Variants in SUN1 observed in about 807,000 individuals in gnomAD.
SUN1 encodes SUN domain-containing protein 1.
Under a neutral mutation model 103.2 loss-of-function variants are expected in SUN1, and 61 were observed. The observed-to-expected ratio is 0.59, with a 90% CI of 0.48 to 0.73. SUN1 has a LOEUF of 0.73. Ranked by LOEUF, SUN1 falls within the 30% of genes least tolerant of loss-of-function variation. The pLI is 0.00. For synonymous variants in SUN1, 490 were observed against 425.7 expected (o/e 1.15, Z -1.86); for missense variants, 1,052 against 1,034.6 (o/e 1.02, Z -0.23).
chr7:840,405 ACTGCCACGCCGCGCT>A (rs747614189), intron 2 of SUN1, among the ~76,000 whole-genome samples: 3 of 152,184 alleles, frequency 2.0e-5, no homozygotes, highest in African/African-American at 7.2e-5. Context: ...CTGCAGCTGT[ACTGCCACGCCGCGCT>A]CTGCCGCGCC....
intron 12 of SUN1, 50 bp from the exon 13 acceptor site, chr7:857,778 G>C (rs373560262): frequency 6.7e-7 from 1 of 1,501,912 alleles, no homozygotes; most frequent in South Asian, 1.3e-5. Context: ...TGTGGGAAGC[G>C]TATAGGCTGG....
In SUN1 at chr7:848,714, C is replaced by T. The variant is rs532462224; in HGVS notation, c.659-2670C>T. 433 of 768,140 alleles carry T rather than the reference C, an allele frequency of 5.6e-4. 2 individuals are homozygous for T. In the Middle Eastern group the frequency reaches 9.5e-3, roughly 17 times the overall value. The allele number at this position is 768,140 out of a possible 1,614,324, so 47.6% of individuals were successfully genotyped here. A position where few individuals can be genotyped will look rare whatever the true frequency, so the allele number is the denominator to read the frequency against. On this transcript the variant is annotated intron_variant, in intron 5 of 18. Transcript: ENST00000401592. The stretch of plus-strand genomic sequence containing the variant: ...CGCCAGGCGCCTCCCTCGCTGCCTC[C>T]TCCTGTGGTCTTGGTGCTGGCTCTC...
upstream of SUN1, among the ~76,000 whole-genome samples, chr7:829,507 C>G (rs1431252854): frequency 6.7e-6 from 1 of 150,368 alleles, no homozygotes; most frequent in Non-Finnish European, 1.5e-5. Flanking sequence ...GTGAACAAAT[C>G]TTTTGTCTCA....
intron 10 of SUN1, among the ~76,000 whole-genome samples, chr7:854,276 G>A (rs1407612272): frequency 6.6e-6 from 1 of 152,266 alleles, no homozygotes; most frequent in Non-Finnish European, 1.5e-5. Context: ...GGAACGCAGA[G>A]CAGGGCTTCC....
chr7:857,094 A>G (rs1413633757), intron 12 of SUN1, among the ~76,000 whole-genome samples: 3 of 152,104 alleles, frequency 2.0e-5, no homozygotes, highest in East Asian at 1.9e-4. Flanking sequence ...TGTTCCCAAC[A>G]TGGCAGCTTT....
chr7:870,472 G>T (rs1425547679), intron 17 of SUN1, among the ~76,000 whole-genome samples: 2 of 151,934 alleles, frequency 1.3e-5, no homozygotes, highest in East Asian at 3.9e-4. Flanking sequence ...TGTCATCCCA[G>T]CTATTCGGGA....
chr7:861,856 G>A (rs1462564338), intron 15 of SUN1, among the ~76,000 whole-genome samples: 3 of 152,250 alleles, frequency 2.0e-5, no homozygotes, highest in African/African-American at 7.2e-5. Flanking sequence ...AGCAGAAGCA[G>A]GCTAAGCAGA....
In SUN1 at chr7:817,490, C is replaced by T. The variant is rs540345733; in HGVS notation, c.-74+817C>T. On this transcript the variant is annotated intron_variant, in intron 1 of 17. Coordinates refer to the SUN1 transcript ENST00000389574. Reference sequence around the variant, plus strand: ...GATTTCTCCCGGCTCCCCAGGGCTCCCCAGGACAGGTGGGCGGTGCGGTCC... The same window carrying T: ...GATTTCTCCCGGCTCCCCAGGGCTCTCCAGGACAGGTGGGCGGTGCGGTCC... 15 of 1,535,992 alleles carry T rather than the reference C, an allele frequency of 9.8e-6. No homozygotes were observed. The South Asian group carries it at 1.1e-4, about 11-fold the overall frequency.
upstream of SUN1, among the ~76,000 whole-genome samples, chr7:828,234 ATATG>A (rs1316825362): frequency 7.2e-6 from 1 of 139,798 alleles, no homozygotes; most frequent in African/African-American, 2.7e-5. Context: ...GCTAGGATAT[ATATG>A]TATGTTTTTG....
chr7:824,872 G>T, intron 1 of SUN1, among the ~76,000 whole-genome samples: 1 of 152,084 alleles, frequency 6.6e-6, no homozygotes, highest in East Asian at 1.9e-4. Flanking sequence ...GGGTGGGGGC[G>T]TCCGCTGGCT....
chr7:838,919 G>A lies in SUN1; in HGVS notation c.199G>A (p.Asp67Asn), dbSNP rs761950069. The part of the protein sequence containing the change: ...RLATTACTLG[D>N]GEAVGADSGT... ...GGCCACGACAGCATGCACCCTGGGG[G>A]ATGGTGAGGCTGTGGGTGCCGACAG... The change falls in exon 2 of 19, where the codon GAT becomes AAT. Residue 67 changes from aspartate (D) to asparagine (N), a missense_variant. Coordinates refer to ENST00000401592, the MANE Select transcript of SUN1 (RefSeq NM_001130965.3). 6.2e-7 allele frequency: 1 copy of A among 1,611,406 alleles called. No individual in the cohort carries two copies. The highest frequency in any genetic ancestry group is 8.5e-7 in the Non-Finnish European group (1 of 1,179,228).
upstream of SUN1, chr7:816,497 G>A (rs1583577608): frequency 3.7e-6 from 1 of 270,986 alleles, no homozygotes; most frequent in South Asian, 2.7e-5. Flanking sequence ...TCCGCCCGCG[G>A]CCCGTAGCCG....
intron 8 of SUN1, 60 bp from the exon 9 acceptor site, chr7:852,750 A>C: frequency 1.2e-6 from 2 of 1,612,896 alleles, no homozygotes; most frequent in South Asian, 2.2e-5. Flanking sequence ...ATGAGCGTGT[A>C]AGTCCATGTT....
intron 1 of SUN1, among the ~76,000 whole-genome samples, chr7:819,133 G>A (rs985574782): frequency 1.3e-5 from 2 of 151,604 alleles, no homozygotes; most frequent in Non-Finnish European, 2.9e-5. Context: ...AAAGTGCTGG[G>A]ATGACAGGTG....
intron 5 of SUN1, 122 bp from the exon 6 acceptor site, chr7:851,262 G>T: frequency 2.8e-6 from 2 of 710,146 alleles, no homozygotes; most frequent in Non-Finnish European, 2.3e-6. Context: ...TTTTTGAGGA[G>T]ACTCTTGACC....
chr7:868,296 G>A (rs550943222), intron 16 of SUN1, among the ~76,000 whole-genome samples: 1 of 152,382 alleles, frequency 6.6e-6, no homozygotes, highest in African/African-American at 2.4e-5. Context: ...ACGCTGTGCT[G>A]CGAACAGTGC....
intron 1 of SUN1, among the ~76,000 whole-genome samples, chr7:834,319 T>G (rs988956525): frequency 8.5e-5 from 13 of 152,114 alleles, no homozygotes; most frequent in African/African-American, 3.1e-4. Context: ...TGCTGCAGGA[T>G]AGAGGTCAGG....
upstream of SUN1, among the ~76,000 whole-genome samples, chr7:831,602 T>C (rs1024985321): frequency 2.0e-5 from 3 of 152,250 alleles, no homozygotes; most frequent in African/African-American, 7.2e-5. Context: ...AGTTTCATCA[T>C]GCTTGTCGAT....
intron 1 of SUN1, among the ~76,000 whole-genome samples, chr7:822,664 C>T (rs1787390838): frequency 6.6e-6 from 1 of 152,156 alleles, no homozygotes; most frequent in African/African-American, 2.4e-5. Context: ...GTACTTGGTG[C>T]TGGGGAGAAC....
Sources: gnomAD v4.1 joint callset for allele counts (sites outside exome capture counted in the v4.1 genomes callset) on GRCh38, gnomAD v4.1.1 for gene constraint, MANE v1.5 for transcripts, NCBI Gene and HGNC (gene_info 2026-07-23, HGNC 2026-07-21) for gene names.